CADM2: variants seen among roughly 807,000 people sequenced by gnomAD.
CADM2 encodes cell adhesion molecule 2, also known as immunoglobulin superfamily member 4D.
A neutral mutation model predicts 49.8 loss-of-function variants in CADM2; 12 were observed. The ratio of observed to expected loss-of-function variants is 0.24; its 90% confidence interval spans 0.15 to 0.39. The LOEUF is 0.39. Ranked by LOEUF, CADM2 falls within the 10% of genes least tolerant of loss-of-function variation. The pLI is 1.00. For synonymous variants in CADM2, 214 were observed against 175.4 expected (o/e 1.22, Z -1.74); for missense variants, 378 against 492.3 (o/e 0.77, Z 2.20).
chr3:85,469,239 C>G (rs2038658896), intron 1 of CADM2, among the ~76,000 whole-genome samples: 1 of 152,122 alleles, frequency 6.6e-6, no homozygotes, highest in South Asian at 2.1e-4. Context: ...CTCTGTAAAA[C>G]AGTATAATCA....
At chr3:85,389,614 G>A (rs2034422145) in intron 1 of CADM2, among the ~76,000 whole-genome samples, 1 of 152,058 alleles carries the variant, frequency 6.6e-6, no homozygotes. Context: ...TACCACTCAT[G>A]TCCTTCTTTT....
At chr3:85,780,992 T>A (rs976757606) in intron 2 of CADM2, among the ~76,000 whole-genome samples, 28 of 152,064 alleles carry the variant, frequency 1.8e-4, no homozygotes, top group African/African-American at 6.8e-4. Context: ...TCACCACCTG[T>A]CACCCCAGCT....
At chr3:85,505,003 A>C (rs1296494784) in intron 1 of CADM2, among the ~76,000 whole-genome samples, 2 of 151,978 alleles carry the variant, frequency 1.3e-5, no homozygotes, top group Non-Finnish European at 2.9e-5. Flanking sequence ...CCCACCCGGA[A>C]CTCCAGCTGG....
intron 1 of CADM2, among the ~76,000 whole-genome samples, chr3:85,066,751 T>C (rs2036542199): frequency 6.6e-6 from 1 of 152,224 alleles, no homozygotes; most frequent in Non-Finnish European, 1.5e-5. Context: ...TTGGATACAT[T>C]TGTTTATTCG....
At chr3:85,245,476 C>A (rs2042625792) in intron 1 of CADM2, among the ~76,000 whole-genome samples, 2 of 151,152 alleles carry the variant, frequency 1.3e-5, no homozygotes, top group South Asian at 2.1e-4. Context: ...TGCACCACTG[C>A]ACTCCAGCCT....
intron 1 of CADM2, among the ~76,000 whole-genome samples, chr3:85,000,627 T>C (rs2033415051): frequency 1.3e-5 from 2 of 152,038 alleles, no homozygotes; most frequent in Admixed American, 6.6e-5. Context: ...CATGATTGAA[T>C]GCAACTCTTG....
intron 1 of CADM2, among the ~76,000 whole-genome samples, chr3:85,247,986 A>G (rs971973720): frequency 4.7e-4 from 71 of 152,332 alleles, no homozygotes; most frequent in African/African-American, 1.3e-3. Context: ...GCATATCCAT[A>G]TAATGTTACA....
intron 1 of CADM2, among the ~76,000 whole-genome samples, chr3:85,155,967 A>T (rs201849897): frequency 6.6e-6 from 1 of 152,194 alleles, no homozygotes; most frequent in African/African-American, 2.4e-5. Context: ...TTATAGCACT[A>T]AATGCCCACA....
chr3:85,252,088 C>A (rs1311779430), intron 1 of CADM2, among the ~76,000 whole-genome samples: 1 of 151,964 alleles, frequency 6.6e-6, no homozygotes, highest in East Asian at 1.9e-4. Context: ...TAGTTTCAAT[C>A]AGTCCATAAT....
intron 1 of CADM2, among the ~76,000 whole-genome samples, chr3:85,469,154 A>T (rs781498216): frequency 1.3e-5 from 2 of 152,202 alleles, no homozygotes; most frequent in Non-Finnish European, 2.9e-5. Context: ...GCCTCTGCTA[A>T]ACATGGAATA....
intron 1 of CADM2, among the ~76,000 whole-genome samples, chr3:85,688,928 C>T (rs1187839293): frequency 6.6e-6 from 1 of 152,122 alleles, no homozygotes; most frequent in African/African-American, 2.4e-5. Context: ...GCTTTTCATT[C>T]CTATGTAGTT....
chr3:85,486,697 G>A (rs1014629926), intron 1 of CADM2, among the ~76,000 whole-genome samples: 1 of 104,078 alleles, frequency 9.6e-6, no homozygotes, highest in African/African-American at 2.6e-5. Context: ...ATAATAGGGA[G>A]ACCAATTGGA....
At chr3:85,714,924 G>C (rs1559609468) in intron 1 of CADM2, among the ~76,000 whole-genome samples, 1 of 151,862 alleles carries the variant, frequency 6.6e-6, no homozygotes, top group East Asian at 1.9e-4. Flanking sequence ...GTGCTTACTA[G>C]GTGACACTTT....
chr3:85,826,479 T>A (rs1394785076), intron 3 of CADM2, among the ~76,000 whole-genome samples: 2 of 151,964 alleles, frequency 1.3e-5, no homozygotes, highest in East Asian at 3.9e-4. Flanking sequence ...TTTTTATCAC[T>A]TTTTTTATGG....
At chr3:86,062,635 C>T (rs142455914) in intron 8 of CADM2, among the ~76,000 whole-genome samples, 1 of 147,636 alleles carries the variant, frequency 6.8e-6, no homozygotes, top group East Asian at 2.0e-4. Context: ...CAAAAATTAG[C>T]CGAGGCTAAT....
At chr3:85,432,865 T>TTTA (rs2036746813) in intron 1 of CADM2, among the ~76,000 whole-genome samples, 1 of 152,116 alleles carries the variant, frequency 6.6e-6, no homozygotes, top group Non-Finnish European at 1.5e-5. Context: ...TTTTAATCTT[T>TTTA]ATGTCCAAAG....
rs1390109282 is a variant in CADM2, at chr3:86,073,986, G to T, written c.*7203G>T. On this transcript the variant is annotated 3_prime_UTR_variant, in exon 10 of 10. Transcript: ENST00000383699. ...GAACCTTGTAAAGTGATGACTAAGGGTCAAAAAAAATGTTGCTGACTTAGG... is the reference window on the plus strand; with the variant it reads ...GAACCTTGTAAAGTGATGACTAAGGTTCAAAAAAAATGTTGCTGACTTAGG... 2 of 151,758 alleles carry T rather than the reference G, an allele frequency of 1.3e-5. No individual in the cohort carries two copies. The highest frequency in any genetic ancestry group is 2.9e-5 in the Non-Finnish European group (2 of 67,846). The allele number at this position is 151,758 out of a possible 1,614,324, so 9.4% of individuals were successfully genotyped here.
intron 1 of CADM2, among the ~76,000 whole-genome samples, chr3:85,184,355 A>G (rs945114433): frequency 6.6e-6 from 1 of 152,130 alleles, no homozygotes; most frequent in Non-Finnish European, 1.5e-5. Context: ...TCCTAACACC[A>G]GCATTTCTGT....
intron 1 of CADM2, among the ~76,000 whole-genome samples, chr3:85,319,926 A>G (rs146215183): frequency 2.5e-4 from 38 of 152,350 alleles, no homozygotes; most frequent in African/African-American, 7.7e-4. Flanking sequence ...AACCTAAATA[A>G]GAGTTTTAAA....
Sources: allele counts gnomAD v4.1 joint callset (sites outside exome capture counted in the v4.1 genomes callset), GRCh38; gene constraint gnomAD v4.1.1; transcripts MANE v1.5; gene names NCBI Gene and HGNC (gene_info 2026-07-23, HGNC 2026-07-21).